Variants in ECM2 observed in about 807,000 individuals in gnomAD.
ECM2 encodes extracellular matrix protein 2, female organ and adipocyte specific.
A neutral mutation model predicts 67.5 loss-of-function variants in ECM2; 57 were observed. That is an observed-to-expected ratio of 0.84 (90% CI 0.68 to 1.05). The LOEUF is 1.05. Among genes scored for constraint, ECM2 ranks in the 50% least tolerant of loss-of-function variants. ECM2 has a pLI of 0.00. For missense variants in ECM2, 741 were observed against 822.8 expected (o/e 0.90, Z 1.22); for synonymous variants, 258 against 294.5 (o/e 0.88, Z 1.27).
chr9:92,523,416 G>A (rs190497492), intron 1 of ECM2, among the ~76,000 whole-genome samples: 1 of 152,292 alleles, frequency 6.6e-6, no homozygotes, highest in African/African-American at 2.4e-5. Flanking sequence ...TTGGGGACCA[G>A]CCTCAACACC....
chr9:92,526,192 T>G (rs1201886281), intron 1 of ECM2, among the ~76,000 whole-genome samples: 1 of 152,052 alleles, frequency 6.6e-6, no homozygotes, highest in Non-Finnish European at 1.5e-5. Context: ...CCAGACCCAA[T>G]GAAGGCCTAG....
chr9:92,508,974 C>T (rs190928800), intron 6 of ECM2, among the ~76,000 whole-genome samples: 1 of 151,898 alleles, frequency 6.6e-6, no homozygotes, highest in East Asian at 1.9e-4. Flanking sequence ...GTCCTTGTCT[C>T]AAAAAAGTAC....
the ECM2 span, among the ~76,000 whole-genome samples, chr9:92,553,121 C>T: frequency 8.0e-3 from 1,211 of 152,220 alleles, 6 homozygotes; most frequent in Non-Finnish European, 0.012. Flanking sequence ...TTTTATTCTC[C>T]TACACGTGGC....
the ECM2 span, among the ~76,000 whole-genome samples, chr9:92,553,481 G>C: frequency 6.6e-6 from 1 of 152,104 alleles, no homozygotes; most frequent in African/African-American, 2.4e-5. Flanking sequence ...CGTTGAATTT[G>C]TAGATTGCTT....
In ECM2 at chr9:92,502,538, C is replaced by A. The variant is rs768096600; in HGVS notation, c.1579G>T (p.Ala527Ser). 3.1e-6 allele frequency: 5 copies of A among 1,612,668 alleles called. No individual in the cohort carries two copies. In the Admixed American group the frequency reaches 6.7e-5, roughly 22 times the overall value. Residue 527 changes from alanine (A) to serine (S), a missense_variant, in exon 8 of 10, where the codon GCT becomes TCT. Coordinates refer to ENST00000344604, the MANE Select transcript of ECM2 (RefSeq NM_001393.4). ...RYNKIEENRI[A>S]PLAWINQENL... The stretch of plus-strand genomic sequence containing the variant: ...TCTTGATTTATCCAGGCTAAAGGAG[C>A]AATCCTATTTTCTTCAATTTTGTTA...
the ECM2 span, among the ~76,000 whole-genome samples, chr9:92,544,855 A>G: frequency 6.6e-6 from 1 of 151,822 alleles, no homozygotes; most frequent in Admixed American, 6.6e-5. Flanking sequence ...AGCTGGGAGT[A>G]CAGGCGCATG....
At chr9:92,505,371 G>A (rs532836256) in intron 7 of ECM2, among the ~76,000 whole-genome samples, 162 bp downstream of exon 7, 2 of 152,000 alleles carry the variant, frequency 1.3e-5, no homozygotes, top group African/African-American at 2.4e-5. Context: ...TCAGAATTTT[G>A]TATTGCTTGA....
chr9:92,546,541 G>T, the ECM2 span, among the ~76,000 whole-genome samples: 1 of 151,972 alleles, frequency 6.6e-6, no homozygotes, highest in Non-Finnish European at 1.5e-5. Flanking sequence ...AATAGTCAAC[G>T]CCAAGGTCTG....
chr9:92,502,804 C>CT (rs34408968), intron 7 of ECM2, 152 bp from the exon 8 acceptor site: 11,118 of 295,026 alleles, frequency 0.038, 58 homozygotes, highest in South Asian at 0.046. Context: ...TTTAAGTTGT[C>CT]TTTTTTTTTT....
chr9:92,503,442 A>G (rs533412055), intron 7 of ECM2, among the ~76,000 whole-genome samples: 3 of 152,330 alleles, frequency 2.0e-5, no homozygotes, highest in Non-Finnish European at 2.9e-5. Flanking sequence ...CATGTGGTCT[A>G]TAATATTTTA....
chr9:92,532,015 G>GATTTTTTTTTTT (rs1848796284), intron 1 of ECM2, among the ~76,000 whole-genome samples: 1 of 95,736 alleles, frequency 1.0e-5, no homozygotes, highest in South Asian at 3.0e-4. Context: ...TTTATTTAAT[G>GATTTTTTTTTTT]TTTTTTTTTT....
rs1388436875 is a variant in ECM2, at chr9:92,532,023, TTTTTTATTTTA to T, written c.-28+3899_-28+3909del. On this transcript the variant is annotated intron_variant, in intron 1 of 9. Coordinates refer to ENST00000344604, the MANE Select transcript of ECM2 (RefSeq NM_001393.4). ...TTCTTTTTTTATTTAATGTTTTTTT[TTTTTTATTTTA>T]TTTTTTTTTTGAGATGAGGTCTCAC... Among the ~76,000 whole-genome samples, 47 of 128,666 alleles carry T rather than the reference TTTTTTATTTTA, an allele frequency of 3.7e-4. 6 individuals are homozygous for T. Among genetic ancestry groups the T allele is most frequent in the Non-Finnish European group, 4.9e-4 (31 of 62,850 alleles). 84.4% of individuals were successfully genotyped at this position (128,666 alleles called of 152,430 possible).
chr9:92,501,150 C>G lies in ECM2; in HGVS notation c.1605-97G>C. The G allele has an allele frequency of 7.4e-6, 9 of 1,212,820 alleles. No homozygotes were observed. The South Asian group carries it at 1.3e-4, about 18-fold the overall frequency. 75.1% of individuals were successfully genotyped at this position (1,212,820 alleles called of 1,614,324 possible). ...GCCAGTCTCGATGCTGGTCCATTTT[C>G]CTATAAGCACCCAGTTTGTAGTGAT... On this transcript the variant is annotated intron_variant, in intron 8 of 9. Coordinates refer to ENST00000344604, the MANE Select transcript of ECM2 (RefSeq NM_001393.4).
At chr9:92,521,198 C>G (rs1848048926) in intron 2 of ECM2, among the ~76,000 whole-genome samples, 1 of 152,130 alleles carries the variant, frequency 6.6e-6, no homozygotes, top group African/African-American at 2.4e-5. Context: ...ATCTTCTGTA[C>G]TTTTATGCAT....
the ECM2 span, among the ~76,000 whole-genome samples, chr9:92,541,759 G>A: frequency 6.6e-6 from 1 of 151,824 alleles, no homozygotes; most frequent in African/African-American, 2.4e-5. Context: ...GTAAACATGG[G>A]AGTTCAGTTG....
chr9:92,522,585 A>G lies in ECM2; in HGVS notation c.282T>C (p.Asn94=), dbSNP rs1441538311. 1.3e-5 allele frequency: 21 copies of G among 1,611,796 alleles called. No homozygotes were observed. The highest frequency in any genetic ancestry group is 1.2e-4 in the South Asian group (11 of 90,764). The change falls in exon 2 of 10, where the codon AAT becomes AAC. Residue 94 remains asparagine (N), a synonymous_variant. Coordinates refer to ENST00000344604, the MANE Select transcript of ECM2 (RefSeq NM_001393.4). ...ATAGTGTTCTCTTACCTGGTAACACATTATAACTTGATTCTACTCCAGGAA... is the reference window on the plus strand; with the variant it reads ...ATAGTGTTCTCTTACCTGGTAACACGTTATAACTTGATTCTACTCCAGGAA... ...SSFPGVESSY[N]VLPGKKGHCL...
the ECM2 span, among the ~76,000 whole-genome samples, chr9:92,545,309 C>T: frequency 6.6e-6 from 1 of 152,234 alleles, no homozygotes; most frequent in African/African-American, 2.4e-5. Flanking sequence ...GCGTGTGGCA[C>T]TTGCAGGCCA....
intron 2 of ECM2, among the ~76,000 whole-genome samples, chr9:92,522,078 G>T (rs1414377691): frequency 1.3e-5 from 2 of 151,926 alleles, no homozygotes; most frequent in African/African-American, 4.8e-5. Context: ...GTTTTGTTTT[G>T]TTTTGTTTTG....
intron 1 of ECM2, among the ~76,000 whole-genome samples, chr9:92,529,445 G>A (rs770373415): frequency 9.2e-5 from 14 of 152,080 alleles, no homozygotes; most frequent in Non-Finnish European, 1.8e-4. Flanking sequence ...CCCAGCAATC[G>A]TGCCCCTTGG....
Sources: allele counts gnomAD v4.1 joint callset (sites outside exome capture counted in the v4.1 genomes callset), GRCh38; gene constraint gnomAD v4.1.1; transcripts MANE v1.5; gene names NCBI Gene and HGNC (gene_info 2026-07-23, HGNC 2026-07-21).